Variants in SNRPB2 observed in about 807,000 individuals in gnomAD.
SNRPB2 encodes the protein U2 small nuclear ribonucleoprotein B''.
SNRPB2 carries 16 observed loss-of-function variants against 26.3 expected under a neutral mutation model. That is an observed-to-expected ratio of 0.61 (90% CI 0.41 to 0.92). SNRPB2 has a LOEUF of 0.92. Ranked by LOEUF, SNRPB2 falls within the 40% of genes least tolerant of loss-of-function variation. The probability of loss-of-function intolerance (pLI) is 0.00; values close to 1 mark genes in which losing one functional copy is unlikely to be tolerated. For synonymous variants in SNRPB2, 75 were observed against 89.0 expected, an observed-to-expected ratio of 0.84 and a Z score of 0.88; for missense variants, 179 against 268.1, an observed-to-expected ratio of 0.67 and a Z score of 2.32.
intron 1 of SNRPB2, among the ~76,000 whole-genome samples, chr20:16,731,207 A>G (rs533812504): frequency 6.6e-6 from 1 of 152,334 alleles, no homozygotes; most frequent in Admixed American, 6.5e-5. Flanking sequence ...CAGCTTGGTG[A>G]TGCTGTATAC....
rs780670034 is a variant in SNRPB2 at position 16,732,264 on chromosome 20, AT to A, written c.168del (p.Phe56LeufsTer11). 4 of 1,605,918 alleles carry A rather than the reference AT, an allele frequency of 2.5e-6. No homozygotes were observed. The East Asian group carries it at 9.0e-5, about 36-fold the overall frequency. On this transcript the variant is annotated frameshift_variant, in exon 3 of 7. Coordinates refer to ENST00000246071, the MANE Select transcript of SNRPB2 (RefSeq NM_003092.5). LOFTEE classifies it high-confidence loss of function. The stretch of plus-strand genomic sequence containing the variant: ...AGATGAGGGGGCAGGCCTTTGTCAT[AT>A]TTAAGGAACTGGGCTCATCCACAAA... ...MKMRGQAFVI[F>X]KELGSSTNAL...
At chr20:16,739,122 C>T (rs1428276483) in intron 5 of SNRPB2, among the ~76,000 whole-genome samples, 6 of 152,154 alleles carry the variant, frequency 3.9e-5, no homozygotes, top group African/African-American at 1.4e-4. Flanking sequence ...TTCTTGTTTT[C>T]CATAATGAAT....
Position 16,732,158 on chromosome 20 carries a change from G to T in SNRPB2, c.65-6G>T. 6.5e-7 allele frequency: 1 copy of T among 1,544,088 alleles called. No homozygotes were observed. Among genetic ancestry groups the T allele is most frequent in the Non-Finnish European group, 8.8e-7 (1 of 1,140,918 alleles). ...CAATAACTTGTTTCTTTTCTAATTT[G>T]GACAGAATTGAAGAGATCCCTATAT... On this transcript the variant is annotated splice_region_variant and splice_polypyrimidine_tract_variant and intron_variant, in intron 2 of 6. Coordinates refer to ENST00000246071, the MANE Select transcript of SNRPB2 (RefSeq NM_003092.5).
chr20:16,732,833 AT>A (rs2059501941), intron 3 of SNRPB2, among the ~76,000 whole-genome samples: 2 of 152,210 alleles, frequency 1.3e-5, no homozygotes, highest in Admixed American at 6.5e-5. Flanking sequence ...ATGGTTATGA[AT>A]GGAGAGTTTT....
At chr20:16,731,464 G>A (rs574447289) in intron 1 of SNRPB2, among the ~76,000 whole-genome samples, 8 of 152,292 alleles carry the variant, frequency 5.3e-5, no homozygotes, top group Admixed American at 5.2e-4. Flanking sequence ...GCTAGGTATT[G>A]GTGCTCCAAG....
intron 6 of SNRPB2, 33 bp from the exon 7 acceptor site, chr20:16,740,813 G>A: frequency 6.6e-7 from 1 of 1,513,548 alleles, no homozygotes; most frequent in Non-Finnish European, 9.1e-7. Flanking sequence ...TTATGTACTT[G>A]CTGTATACAT....
Position 16,731,664 on chromosome 20 carries a change from A to G in SNRPB2, c.-35-4A>G. The G allele has an allele frequency of 2.5e-6, 4 of 1,608,148 alleles. No individual in the cohort carries two copies. Among genetic ancestry groups the G allele is most frequent in the South Asian group, 2.2e-5 (2 of 90,696 alleles). ...TATAATTTACTCCTTCCTTTTTATAACAGATTTTTTACTGTCTCCTGAAGA... is the reference window on the plus strand; with the variant it reads ...TATAATTTACTCCTTCCTTTTTATAGCAGATTTTTTACTGTCTCCTGAAGA... On this transcript the variant is annotated splice_polypyrimidine_tract_variant and splice_region_variant and intron_variant, in intron 1 of 6. Coordinates refer to ENST00000246071, the MANE Select transcript of SNRPB2 (RefSeq NM_003092.5).
In SNRPB2 at chr20:16,741,806, CCAATGTT is replaced by C. The variant is rs2072464655; in HGVS notation, c.*805_*811del. On this transcript the variant is annotated 3_prime_UTR_variant, in exon 7 of 7. Transcript: ENST00000246071. ...GCTACTTCTTTGTAATTCTTAAACA[CCAATGTT>C]CAAATATTTCCAAAGCCCATTTTCT... 6.6e-6 allele frequency: 1 copy of C among 152,126 alleles called. No homozygotes were observed. Among genetic ancestry groups the C allele is most frequent in the African/African-American group, 2.4e-5 (1 of 41,434 alleles). 9.4% of individuals were successfully genotyped at this position (152,126 alleles called of 1,614,324 possible). A position where few individuals can be genotyped will look rare whatever the true frequency, so the allele number is the denominator to read the frequency against.
At chr20:16,740,501 GCAGTAATTCCTTA>G in intron 6 of SNRPB2, 88 bp downstream of exon 6, 2 of 1,546,050 alleles carry the variant, frequency 1.3e-6, no homozygotes, top group East Asian at 2.3e-5. Context: ...TTATCACACA[GCAGTAATTCCTTA>G]CAGGTTCATT....
chr20:16,741,094 A>T lies in SNRPB2; in HGVS notation c.*89A>T. The T allele has an allele frequency of 1.0e-6, 1 of 967,004 alleles. No homozygotes were observed. The highest frequency in any genetic ancestry group is 1.5e-6 in the Non-Finnish European group (1 of 667,404). The allele number at this position is 967,004 out of a possible 1,614,324, so 59.9% of individuals were successfully genotyped here. The stretch of plus-strand genomic sequence containing the variant: ...GGCTGGGTCATTTTAATAGTTAGAG[A>T]TGAGGAGGAGTAAAAGTGAAATTTT... On this transcript the variant is annotated 3_prime_UTR_variant, in exon 7 of 7. Coordinates refer to ENST00000246071, the MANE Select transcript of SNRPB2 (RefSeq NM_003092.5).
intron 1 of SNRPB2, among the ~76,000 whole-genome samples, chr20:16,731,115 A>G (rs1259805350): frequency 2.0e-5 from 3 of 152,230 alleles, no homozygotes; most frequent in Non-Finnish European, 4.4e-5. Context: ...TGATACTGGA[A>G]TCTGAGTTTA....
chr20:16,737,475 A>C (rs1465830658), intron 4 of SNRPB2, 74 bp downstream of exon 4: 3 of 1,389,396 alleles, frequency 2.2e-6, no homozygotes, highest in Non-Finnish European at 2.9e-6. Context: ...ACAGGTAAGG[A>C]ATGATCTTAG....
Position 16,732,278 on chromosome 20 carries a change from G to C in SNRPB2, c.179G>C (p.Gly60Ala). 6.2e-7 allele frequency: 1 copy of C among 1,603,542 alleles called. No homozygotes were observed. The highest frequency in any genetic ancestry group is 1.3e-5 in the African/African-American group (1 of 74,568). ...GQAFVIFKEL[G>A]SSTNALRQLQ... ...GCCTTTGTCATATTTAAGGAACTGG[G>C]CTCATCCACAAATGCCTTGAGACAG... Residue 60 changes from glycine to alanine, a missense_variant, in exon 3 of 7, where the codon GGC becomes GCC. Coordinates refer to ENST00000246071, the MANE Select transcript of SNRPB2 (RefSeq NM_003092.5).
In SNRPB2 at chr20:16,740,428, A is replaced by T. The variant is rs1287835053; in HGVS notation, c.518+15A>T. 1 of 1,609,614 alleles carries T rather than the reference A, an allele frequency of 6.2e-7. No homozygotes were observed. The highest frequency in any genetic ancestry group is 1.1e-5 in the South Asian group (1 of 90,828). On this transcript the variant is annotated intron_variant, in intron 6 of 6. Coordinates refer to ENST00000246071, the MANE Select transcript of SNRPB2 (RefSeq NM_003092.5). ...CTGTTTAATCAGTAAGTTTTTTCAT[A>T]AATAAGTCTGTTTCTGAGAGCTTCC... is the stretch of plus-strand genomic sequence containing the variant.
chr20:16,738,952 T>G lies in SNRPB2; in HGVS notation c.429+50T>G, dbSNP rs754452087. The G allele has an allele frequency of 3.3e-6, 4 of 1,201,232 alleles. No homozygotes were observed. In the South Asian group the frequency reaches 4.9e-5, roughly 15 times the overall value. The allele number at this position is 1,201,232 out of a possible 1,614,324, so 74.4% of individuals were successfully genotyped here. A position where few individuals can be genotyped will look rare whatever the true frequency, so the allele number is the denominator to read the frequency against. On this transcript the variant is annotated intron_variant, in intron 5 of 6. Transcript: ENST00000246071. ...TACCTTAAAATAAGATTGTAAAAAT[T>G]ACAGCAGTGGTATAAAACAATTTCC...
intron 1 of SNRPB2, among the ~76,000 whole-genome samples, chr20:16,731,434 A>G (rs934040471): frequency 6.6e-6 from 1 of 152,214 alleles, no homozygotes; most frequent in Non-Finnish European, 1.5e-5. Context: ...TGTTGAATTA[A>G]ATGGTGTTAC....
intron 1 of SNRPB2, 43 bp from the exon 2 acceptor site, chr20:16,731,625 A>G: frequency 6.4e-7 from 1 of 1,559,546 alleles, no homozygotes; most frequent in Non-Finnish European, 8.7e-7. Flanking sequence ...TTGTGTCCTT[A>G]TGCCACAGTC....
chr20:16,736,000 G>T (rs758032705), intron 3 of SNRPB2, among the ~76,000 whole-genome samples: 32 of 152,214 alleles, frequency 2.1e-4, no homozygotes, highest in Non-Finnish European at 3.5e-4. Flanking sequence ...ATGCATTTTT[G>T]TTGTTGTTGT....
chr20:16,738,414 G>A (rs113449811), intron 4 of SNRPB2, among the ~76,000 whole-genome samples: 2 of 141,968 alleles, frequency 1.4e-5, no homozygotes, highest in African/African-American at 5.4e-5. Flanking sequence ...TTGCACTCCA[G>A]CCTGGGTGAC....
Sources: gnomAD v4.1 joint callset for allele counts (sites outside exome capture counted in the v4.1 genomes callset) on GRCh38, gnomAD v4.1.1 for gene constraint, MANE v1.5 for transcripts, NCBI Gene and HGNC (gene_info 2026-07-23, HGNC 2026-07-21) for gene names.